The following FBXL13 variants were observed in gnomAD, a reference collection of about 807,000 sequenced individuals.
FBXL13 encodes F-box and leucine rich repeat protein 13.
In FBXL13, 67 loss-of-function variants were observed where a neutral mutation model predicts 83.6. The ratio of observed to expected loss-of-function variants is 0.80; its 90% confidence interval spans 0.66 to 0.98. The LOEUF is 0.98. Among genes scored for constraint, FBXL13 ranks in the 50% least tolerant of loss-of-function variants. The pLI is 0.00. For synonymous variants in FBXL13, 272 were observed against 299.5 expected, an observed-to-expected ratio of 0.91 and a Z score of 0.95; for missense variants, 822 against 866.5, an observed-to-expected ratio of 0.95 and a Z score of 0.64.
intron 11 of FBXL13, among the ~76,000 whole-genome samples, chr7:102,901,803 A>G (rs572434865): frequency 2.0e-5 from 3 of 152,288 alleles, no homozygotes; most frequent in East Asian, 3.9e-4. Context: ...CATTGTCTAT[A>G]TGTACCACAT....
At chr7:102,829,495 C>T (rs1349706829) in intron 18 of FBXL13, among the ~76,000 whole-genome samples, 1 of 152,084 alleles carries the variant, frequency 6.6e-6, no homozygotes, top group Non-Finnish European at 1.5e-5. Flanking sequence ...TCTCATTTCC[C>T]ACCCCCTTTT....
Position 102,854,875 on chromosome 7 carries a change from T to TATAAAGATC in FBXL13, c.1636-24_1636-16dup, listed in dbSNP as rs1584642010. The TATAAAGATC allele has an allele frequency of 7.1e-7, 1 of 1,410,452 alleles. No individual in the cohort carries two copies. The highest frequency in any genetic ancestry group is 2.3e-5 in the East Asian group (1 of 43,194). 87.4% of individuals were successfully genotyped at this position (1,410,452 alleles called of 1,614,324 possible). A position where few individuals can be genotyped will look rare whatever the true frequency, so the allele number is the denominator to read the frequency against. Reference sequence around the variant, plus strand: ...ACATTCAAACCCTAAAAATATTTAATATAAAGATCATTTTGTGATTATCAT... The same window carrying TATAAAGATC: ...ACATTCAAACCCTAAAAATATTTAATATAAAGATCATAAAGATCATTTTGTGATTATCAT... On this transcript the variant is annotated splice_polypyrimidine_tract_variant and intron_variant, in intron 16 of 19. Coordinates refer to ENST00000313221, the Ensembl canonical transcript of FBXL13.
intron 11 of FBXL13, among the ~76,000 whole-genome samples, chr7:102,893,938 AAGAGAAAGAAAGAAAGAAAGAAAG>A (rs1420466553): frequency 4.7e-5 from 6 of 127,942 alleles, no homozygotes; most frequent in Non-Finnish European, 9.4e-5. Flanking sequence ...GAGACAGAGA[AAGAGAAAGAAAGAAAGAAAGAAAG>A]AGAGAAAGAA....
chr7:103,018,235 G>C (rs1240784386), intron 6 of FBXL13, among the ~76,000 whole-genome samples: 1 of 152,264 alleles, frequency 6.6e-6, no homozygotes, highest in South Asian at 2.1e-4. Context: ...AGCTTCATAA[G>C]TGAAGGAGAA....
At chr7:103,018,173 A>C (rs542823702) in intron 6 of FBXL13, among the ~76,000 whole-genome samples, 2,130 of 152,264 alleles carry the variant, frequency 0.014, 48 homozygotes, top group African/African-American at 0.047. Flanking sequence ...CAATATTCAA[A>C]ATTCTTAAAG....
chr7:102,930,002 G>GGT (rs1330169498), intron 9 of FBXL13, among the ~76,000 whole-genome samples: 1 of 152,154 alleles, frequency 6.6e-6, no homozygotes, highest in African/African-American at 2.4e-5. Context: ...AGAATGAACA[G>GGT]GTGTTAGCCA....
intron 16 of FBXL13, among the ~76,000 whole-genome samples, chr7:102,862,007 T>A (rs2129453045): frequency 6.7e-6 from 1 of 148,852 alleles, no homozygotes; most frequent in Admixed American, 6.7e-5. Context: ...AATTCACATC[T>A]GCATATGTGT....
chr7:102,820,327 A>G (rs1798626723), intron 19 of FBXL13, among the ~76,000 whole-genome samples: 1 of 152,258 alleles, frequency 6.6e-6, no homozygotes, highest in Admixed American at 6.5e-5. Context: ...TTGATTGCAG[A>G]AGACAAAATA....
At chr7:103,059,815 C>T (rs1384130507) in intron 1 of FBXL13, among the ~76,000 whole-genome samples, 1 of 151,758 alleles carries the variant, frequency 6.6e-6, no homozygotes, top group East Asian at 1.9e-4. Flanking sequence ...CAAGATAATG[C>T]AAAGGGTGGA....
intron 2 of FBXL13, 47 bp downstream of exon 3, chr7:103,055,041 C>A: frequency 8.9e-7 from 1 of 1,117,434 alleles, no homozygotes; most frequent in Non-Finnish European, 1.2e-6. Flanking sequence ...AAAATTCCAT[C>A]GAAGTTTAAA....
intron 16 of FBXL13, 58 bp downstream of exon 17, chr7:102,877,409 C>A (rs2129457993): frequency 7.6e-7 from 1 of 1,319,536 alleles, no homozygotes; most frequent in Non-Finnish European, 1.0e-6. Context: ...TACAAAATAG[C>A]AAATAATTGT....
chr7:102,831,558 T>C (rs1408519834), intron 18 of FBXL13, among the ~76,000 whole-genome samples: 3 of 152,118 alleles, frequency 2.0e-5, no homozygotes, highest in African/African-American at 7.2e-5. Context: ...ATTTATGGAG[T>C]AGGGGCTGGA....
intron 2 of FBXL13, among the ~76,000 whole-genome samples, chr7:103,042,511 G>T (rs924490914): frequency 2.6e-5 from 4 of 152,136 alleles, no homozygotes; most frequent in Non-Finnish European, 4.4e-5. Context: ...AGCCCACATA[G>T]CCAAGGCAGT....
intron 11 of FBXL13, among the ~76,000 whole-genome samples, chr7:102,901,973 T>C (rs1813016116): frequency 6.6e-6 from 1 of 152,184 alleles, no homozygotes; most frequent in Non-Finnish European, 1.5e-5. Flanking sequence ...CTGTATCATA[T>C]GATAGCTCAA....
intron 16 of FBXL13, 73 bp downstream of exon 17, chr7:102,877,394 T>A: frequency 8.1e-7 from 1 of 1,242,004 alleles, no homozygotes; most frequent in Non-Finnish European, 1.1e-6. Context: ...GTTCTCTCCA[T>A]TATTTACAAA....
At chr7:102,908,881 T>G (rs1814188706) in intron 11 of FBXL13, among the ~76,000 whole-genome samples, 1 of 152,226 alleles carries the variant, frequency 6.6e-6, no homozygotes, top group Non-Finnish European at 1.5e-5. Context: ...GCCCAAGGCC[T>G]GCTGTAACCA....
At chr7:103,058,177 T>G (rs1213964102) in intron 1 of FBXL13, among the ~76,000 whole-genome samples, 1 of 152,094 alleles carries the variant, frequency 6.6e-6, no homozygotes, top group Non-Finnish European at 1.5e-5. Flanking sequence ...CTCTTCTTAG[T>G]GTACAGCCTT....
intron 15 of FBXL13, 76 bp from the exon 17 acceptor site, chr7:102,877,669 T>A: frequency 6.8e-7 from 1 of 1,474,492 alleles, no homozygotes; most frequent in Non-Finnish European, 9.2e-7. Flanking sequence ...ATAAAAACTA[T>A]CTTGGGAAAA....
rs1054094935 is a variant in FBXL13 at position 102,963,794 on chromosome 7, T to C, written c.592-129A>G. The C allele has an allele frequency of 3.2e-5, 27 of 844,148 alleles. No homozygotes were observed. The Admixed American group carries it at 4.3e-4, about 13-fold the overall frequency. The allele number at this position is 844,148 out of a possible 1,614,324, so 52.3% of individuals were successfully genotyped here. On this transcript the variant is annotated intron_variant, in intron 7 of 19. Coordinates refer to ENST00000313221, the Ensembl canonical transcript of FBXL13. The stretch of plus-strand genomic sequence containing the variant: ...TCTGTACAGCAAAAGAAACTATCAA[T>C]AGAGAAGACAGACAACCTATAGAAT...
Sources: gnomAD v4.1 joint callset for allele counts (sites outside exome capture counted in the v4.1 genomes callset) on GRCh38, gnomAD v4.1.1 for gene constraint, MANE v1.5 for transcripts, NCBI Gene and HGNC (gene_info 2026-07-23, HGNC 2026-07-21) for gene names.